Variants in CALN1 observed in about 807,000 individuals in gnomAD.
CALN1 encodes the protein calcium-binding protein 8.
CALN1 carries 17 observed loss-of-function variants against 30.6 expected under a neutral mutation model. The ratio of observed to expected loss-of-function variants is 0.56; its 90% CI spans 0.38 to 0.83. CALN1 has a LOEUF of 0.83. Among genes scored for constraint, CALN1 ranks in the 40% least tolerant of loss-of-function variants. CALN1 has a pLI of 0.00. For synonymous variants in CALN1, 156 were observed against 131.4 expected (o/e 1.19, Z -1.28); for missense variants, 291 against 354.9 (o/e 0.82, Z 1.45).
chr7:72,044,542 C>T (rs180830167), intron 4 of CALN1, among the ~76,000 whole-genome samples: 1 of 151,154 alleles, frequency 6.6e-6, no homozygotes, highest in African/African-American at 2.4e-5. Context: ...CCCCTTCTAT[C>T]TACTCCGACG....
At chr7:71,917,708 C>CA (rs111261969) in intron 5 of CALN1, among the ~76,000 whole-genome samples, 23,677 of 152,060 alleles carry the variant, frequency 0.16, 2,075 homozygotes, top group Non-Finnish European at 0.2. Context: ...ATGAGACTCA[C>CA]TCATTTTTAT....
chr7:71,927,669 G>T lies in CALN1; in HGVS notation c.501+95988C>A, dbSNP rs142749983. ...TGCTCTTCCTCTTCTCTCAGTGATA[G>T]ATTGCTACTGTTACTTGATGCCTGC... On this transcript the variant is annotated intron_variant, in intron 5 of 6. Coordinates refer to ENST00000395275, the MANE Select transcript of CALN1 (RefSeq NM_031468.4). 2.9e-3 allele frequency among the ~76,000 whole-genome samples: 435 copies of T among 152,246 alleles called. 2 individuals carry two copies. Among genetic ancestry groups the T allele is most frequent in the Middle Eastern group, 6.8e-3 (2 of 294 alleles).
At chr7:72,272,494 G>A (rs1477720873) in intron 3 of CALN1, among the ~76,000 whole-genome samples, 1 of 152,052 alleles carries the variant, frequency 6.6e-6, no homozygotes, top group African/African-American at 2.4e-5. Context: ...CCCAGGAGGT[G>A]GAGGCTGCAG....
At chr7:72,341,672 C>T (rs923922606) in intron 2 of CALN1, among the ~76,000 whole-genome samples, 6 of 152,164 alleles carry the variant, frequency 3.9e-5, no homozygotes, top group Non-Finnish European at 5.9e-5. Flanking sequence ...TTCCTGCCTG[C>T]GTAAATTTGG....
At chr7:71,978,577 G>A (rs538073377) in intron 5 of CALN1, among the ~76,000 whole-genome samples, 5 of 152,258 alleles carry the variant, frequency 3.3e-5, no homozygotes, top group East Asian at 3.9e-4. Context: ...GGTGCTGGCC[G>A]AAGAACAGTA....
At chr7:71,814,364 A>G (rs1788138373) in intron 5 of CALN1, among the ~76,000 whole-genome samples, 1 of 152,176 alleles carries the variant, frequency 6.6e-6, no homozygotes, top group Non-Finnish European at 1.5e-5. Flanking sequence ...GAAGAGCCAC[A>G]TCCAGATTTG....
At chr7:72,011,685 T>C (rs576372921) in intron 5 of CALN1, among the ~76,000 whole-genome samples, 2 of 152,190 alleles carry the variant, frequency 1.3e-5, no homozygotes, top group Non-Finnish European at 2.9e-5. Context: ...CTCTCCTGTT[T>C]GCTTCATTGA....
intron 4 of CALN1, among the ~76,000 whole-genome samples, chr7:72,061,840 C>G (rs1803677879): frequency 6.9e-6 from 1 of 144,452 alleles, no homozygotes; most frequent in Admixed American, 6.9e-5. Context: ...ACAGATTCAC[C>G]AAGCCCCTAA....
chr7:72,482,503 C>A, the CALN1 span, among the ~76,000 whole-genome samples: 156 of 152,068 alleles, frequency 1.0e-3, no homozygotes, highest in African/African-American at 3.5e-3. Flanking sequence ...TTTAATCCCC[C>A]TTTGTTGGCT....
chr7:71,993,069 C>A (rs1257542438), intron 5 of CALN1, among the ~76,000 whole-genome samples: 1 of 152,036 alleles, frequency 6.6e-6, no homozygotes, highest in Non-Finnish European at 1.5e-5. Context: ...CCACCCCCAC[C>A]CCATTCCAAA....
At chr7:71,795,931 G>A (rs1251579288) in intron 6 of CALN1, among the ~76,000 whole-genome samples, 2 of 144,732 alleles carry the variant, frequency 1.4e-5, no homozygotes, top group Admixed American at 7.3e-5. Flanking sequence ...TCATTCTCCT[G>A]CCTCAGCCTC....
chr7:72,169,920 T>G (rs1021554959), intron 3 of CALN1, among the ~76,000 whole-genome samples: 3 of 152,130 alleles, frequency 2.0e-5, no homozygotes, highest in Admixed American at 2.0e-4. Context: ...CTTGAACTCC[T>G]GACCTCAGGT....
Position 71,829,117 on chromosome 7 carries a change from T to C in CALN1, c.502-18625A>G, listed in dbSNP as rs578100123. ...CTGTGCCCCAACCACCTTGTGCACA[T>C]GTCAGGACTCCCTGAGGCTGTGTCA... On this transcript the variant is annotated intron_variant, in intron 5 of 6. Transcript: ENST00000395275. Among the ~76,000 whole-genome samples the C allele has an allele frequency of 2.0e-5, 3 of 152,218 alleles. No homozygotes were observed. The South Asian group carries it at 6.2e-4, about 32-fold the overall frequency.
chr7:71,904,009 AC>A (rs1793998367), intron 5 of CALN1, among the ~76,000 whole-genome samples: 1 of 152,212 alleles, frequency 6.6e-6, no homozygotes, highest in African/African-American at 2.4e-5. Flanking sequence ...ATATCATCTC[AC>A]CCCAGTTAGA....
chr7:72,399,320 G>C (rs1426339677), intron 2 of CALN1, among the ~76,000 whole-genome samples: 1 of 140,646 alleles, frequency 7.1e-6, no homozygotes, highest in African/African-American at 2.7e-5. Flanking sequence ...CACCAGGCTG[G>C]AGTGCAGTGG....
At chr7:72,272,276 T>C (rs1409693825) in intron 3 of CALN1, among the ~76,000 whole-genome samples, 1 of 152,028 alleles carries the variant, frequency 6.6e-6, no homozygotes, top group African/African-American at 2.4e-5. Flanking sequence ...AATATTAATT[T>C]TGAGGCCAGG....
chr7:72,038,041 G>A (rs186581981), intron 4 of CALN1, among the ~76,000 whole-genome samples: 27 of 152,356 alleles, frequency 1.8e-4, no homozygotes, highest in Non-Finnish European at 3.5e-4. Context: ...GCTTGCAATA[G>A]GGGGCCAGGT....
At chr7:71,805,360 G>T (rs145731135) in intron 6 of CALN1, among the ~76,000 whole-genome samples, 94 of 152,282 alleles carry the variant, frequency 6.2e-4, no homozygotes, top group African/African-American at 2.2e-3. Flanking sequence ...TGGGGCTGAG[G>T]GAAGAGGCCC....
chr7:72,338,318 G>A (rs1335509564), intron 2 of CALN1, among the ~76,000 whole-genome samples: 1 of 152,126 alleles, frequency 6.6e-6, no homozygotes, highest in African/African-American at 2.4e-5. Flanking sequence ...CCCAGAACCA[G>A]AGAAAAGATA....
Sources: gnomAD v4.1 joint callset for allele counts (sites outside exome capture counted in the v4.1 genomes callset) on GRCh38, gnomAD v4.1.1 for gene constraint, MANE v1.5 for transcripts, NCBI Gene and HGNC (gene_info 2026-07-23, HGNC 2026-07-21) for gene names.